Variants in FMN2 observed in about 807,000 individuals in gnomAD.
FMN2 encodes the protein formin 2, also known as formin-2.
A neutral mutation model predicts 142.3 loss-of-function variants in FMN2; 51 were observed. The observed-to-expected ratio is 0.36, with a 90% CI of 0.29 to 0.45. The LOEUF is 0.45. FMN2 is among the 20% of genes least tolerant of loss of function. The pLI, the probability that FMN2 is intolerant of heterozygous loss-of-function variation, is 1.00. For missense variants in FMN2, 1,936 were observed against 2,122.8 expected (o/e 0.91, Z 1.73); for synonymous variants, 882 against 869.8 (o/e 1.01, Z -0.25).
At position 240,143,234 on chromosome 1, in the gene FMN2, T is replaced by C. The variant is rs1042680064; in HGVS notation, c.1782+19889T>C. 3.1e-6 allele frequency: 5 copies of C among 1,588,724 alleles called. No individual in the cohort carries two copies. In the Admixed American group the frequency reaches 5.0e-5, roughly 16 times the overall value. On this transcript the variant is annotated intron_variant, in intron 2 of 17. Transcript: ENST00000319653. ...TGGCAAAAATGGAGTTATAGGAAAC[T>C]TCTGGATCAGCATCATGAGATAATT...
chr1:240,234,638 A>C (rs1034429173), intron 6 of FMN2, among the ~76,000 whole-genome samples: 1 of 152,152 alleles, frequency 6.6e-6, no homozygotes, highest in Non-Finnish European at 1.5e-5. Context: ...TTCTGTCATC[A>C]CCACCAACCC....
chr1:240,390,177 T>C (rs1364739305), intron 14 of FMN2, among the ~76,000 whole-genome samples: 1 of 152,216 alleles, frequency 6.6e-6, no homozygotes, highest in Non-Finnish European at 1.5e-5. Context: ...GATCTCTCAT[T>C]TGACTGTTTA....
Position 240,231,025 on chromosome 1 carries a change from T to C in FMN2, c.4065+19790T>C, listed in dbSNP as rs1435202526. Among the ~76,000 whole-genome samples the C allele has an allele frequency of 3.8e-5, 5 of 131,870 alleles. 1 individual carries two copies. In the East Asian group the frequency reaches 1.1e-3, roughly 29 times the overall value. 86.5% of individuals were successfully genotyped at this position (131,870 alleles called of 152,430 possible). ...GAAAGACACAGTAACTTGTTTTGTTTTGAAAGCTAGATTGCAGTATTCCCC... is the reference window on the plus strand; with the variant it reads ...GAAAGACACAGTAACTTGTTTTGTTCTGAAAGCTAGATTGCAGTATTCCCC... On this transcript the variant is annotated intron_variant, in intron 6 of 17. Coordinates refer to ENST00000319653, the MANE Select transcript of FMN2 (RefSeq NM_020066.5).
At chr1:240,157,899 G>A (rs1223417540) in intron 2 of FMN2, among the ~76,000 whole-genome samples, 2 of 150,856 alleles carry the variant, frequency 1.3e-5, no homozygotes, top group Non-Finnish European at 2.9e-5. Context: ...CACTTTAGGA[G>A]CCTGAGGCAG....
At position 240,092,141 on chromosome 1, in the gene FMN2, G is replaced by A; in HGVS notation, c.32G>A (p.Ser11Asn). MGNQDGKLKR[S>N]AGDALHEGGG... Reference sequence around the variant, plus strand: ...AACCAGGATGGGAAGCTGAAGAGGAGCGCAGGTGATGCTTTGCACGAAGGC... The same window carrying A: ...AACCAGGATGGGAAGCTGAAGAGGAACGCAGGTGATGCTTTGCACGAAGGC... Residue 11 changes from serine to asparagine, a missense_variant, in exon 1 of 18, where the codon AGC (serine) becomes AAC (asparagine). Transcript: ENST00000319653. 6.4e-7 allele frequency: 1 copy of A among 1,563,480 alleles called. No individual in the cohort carries two copies. The highest frequency in any genetic ancestry group is 8.7e-7 in the Non-Finnish European group (1 of 1,154,344).
chr1:240,358,014 T>G (rs1285581116), intron 14 of FMN2, among the ~76,000 whole-genome samples: 1 of 152,210 alleles, frequency 6.6e-6, no homozygotes, highest in African/African-American at 2.4e-5. Flanking sequence ...ACCTATATAC[T>G]GTATTCTTAG....
chr1:240,184,830 A>G (rs1665332783), intron 3 of FMN2, among the ~76,000 whole-genome samples: 1 of 151,820 alleles, frequency 6.6e-6, no homozygotes, highest in African/African-American at 2.4e-5. Flanking sequence ...GATATCTCAG[A>G]TTCACCTATC....
chr1:240,111,267 G>C (rs1373650114), intron 1 of FMN2, among the ~76,000 whole-genome samples: 2 of 152,100 alleles, frequency 1.3e-5, no homozygotes, highest in Non-Finnish European at 2.9e-5. Context: ...TATCGGAAAG[G>C]GGTCCCAATC....
intron 7 of FMN2, among the ~76,000 whole-genome samples, chr1:240,292,003 A>G (rs916515985): frequency 2.0e-5 from 3 of 151,786 alleles, no homozygotes; most frequent in Non-Finnish European, 4.4e-5. Flanking sequence ...CCCCTGCCCC[A>G]TAAAGGAACT....
chr1:240,170,678 G>A (rs1336468748), intron 2 of FMN2: 7 of 1,572,182 alleles, frequency 4.5e-6, no homozygotes, highest in Non-Finnish European at 3.5e-6. Flanking sequence ...GATAAAGTCT[G>A]CCTTCTAGGT....
intron 1 of FMN2, among the ~76,000 whole-genome samples, chr1:240,107,849 G>C (rs988108161): frequency 2.0e-5 from 3 of 151,758 alleles, no homozygotes; most frequent in African/African-American, 4.8e-5. Context: ...GTCACTTTTT[G>C]AATACTCTCA....
Position 240,208,637 on chromosome 1 carries a change from G to C in FMN2, c.3825G>C (p.Gly1275=). The change falls in exon 5 of 18, where the codon GGG becomes GGC. Residue 1275 remains glycine (G), a synonymous_variant. Coordinates refer to ENST00000319653, the MANE Select transcript of FMN2 (RefSeq NM_020066.5). ...TGCCAAGTGGCTTGTTTGGATTAGGGATGAATCAGGACAAAGGGAGTAGGA... is the reference window on the plus strand; with the variant it reads ...TGCCAAGTGGCTTGTTTGGATTAGGCATGAATCAGGACAAAGGGAGTAGGA... ...PPLPSGLFGL[G]MNQDKGSRKQ... is the part of the protein sequence containing the mutation. The C allele has an allele frequency of 6.2e-7, 1 of 1,613,906 alleles. No individual in the cohort carries two copies. Among genetic ancestry groups the C allele is most frequent in the African/African-American group, 1.3e-5 (1 of 75,020 alleles).
chr1:240,370,954 G>A (rs1672845802), intron 14 of FMN2, among the ~76,000 whole-genome samples: 2 of 151,896 alleles, frequency 1.3e-5, no homozygotes. Context: ...ATTTATTTTT[G>A]GGAGAAGGAG....
intron 1 of FMN2, among the ~76,000 whole-genome samples, chr1:240,117,374 G>A (rs560516601): frequency 1.3e-5 from 2 of 152,348 alleles, no homozygotes; most frequent in East Asian, 3.9e-4. Context: ...TGAAAGTCAA[G>A]ACAGACAACA....
At chr1:240,446,244 T>G (rs571321574) in intron 16 of FMN2, among the ~76,000 whole-genome samples, 9 of 152,222 alleles carry the variant, frequency 5.9e-5, no homozygotes, top group Non-Finnish European at 7.3e-5. Flanking sequence ...GAGGTGTTTT[T>G]AAAACTTTGG....
intron 1 of FMN2, among the ~76,000 whole-genome samples, chr1:240,121,756 A>AAAAAAAAAAAAAAAAAT (rs1662267194): frequency 6.7e-6 from 1 of 148,610 alleles, no homozygotes; most frequent in African/African-American, 2.5e-5. Flanking sequence ...AAAAAAAAAA[A>AAAAAAAAAAAAAAAAAT]AAAAAAAAAA....
intron 15 of FMN2, among the ~76,000 whole-genome samples, chr1:240,415,779 C>G (rs1211601271): frequency 1.3e-5 from 2 of 152,132 alleles, no homozygotes; most frequent in Non-Finnish European, 2.9e-5. Flanking sequence ...CCGAGTGATT[C>G]ATATGAGTAA....
chr1:240,283,358 C>T (rs924570077), intron 7 of FMN2, among the ~76,000 whole-genome samples: 1 of 152,152 alleles, frequency 6.6e-6, no homozygotes, highest in Non-Finnish European at 1.5e-5. Context: ...TTTAGAGGCT[C>T]ATGCTTGTAT....
rs199636897 is a variant in FMN2, at chr1:240,324,692, A to AGAGG, written c.4216-4365_4216-4362dup. Among the ~76,000 whole-genome samples the AGAGG allele has an allele frequency of 4.5e-3, 596 of 133,302 alleles. 4 individuals are homozygous for AGAGG. Among genetic ancestry groups the AGAGG allele is most frequent in the Middle Eastern group, 0.022 (6 of 276 alleles). 87.5% of individuals were successfully genotyped at this position (133,302 alleles called of 152,430 possible). On this transcript the variant is annotated intron_variant, in intron 8 of 17. Transcript: ENST00000319653. ...GAAAGAAGGAAAGAGAGAGAGAGAG[A>AGAGG]GAGGGAGGGAGGGAGGGAGGGAAGA...
Sources: gnomAD v4.1 joint callset for allele counts (sites outside exome capture counted in the v4.1 genomes callset) on GRCh38, gnomAD v4.1.1 for gene constraint, MANE v1.5 for transcripts, NCBI Gene and HGNC (gene_info 2026-07-23, HGNC 2026-07-21) for gene names.